Variants in PRDM16 observed in about 807,000 individuals in gnomAD.
PRDM16 encodes the protein PR/SET domain 16.
A neutral mutation model predicts 110.6 loss-of-function variants in PRDM16; 23 were observed. That is an observed-to-expected ratio of 0.21 (90% confidence interval 0.15 to 0.29). PRDM16 has a LOEUF of 0.29. Ranked by LOEUF, PRDM16 falls within the 10% of genes least tolerant of loss-of-function variation. The pLI, the probability that PRDM16 is intolerant of heterozygous loss-of-function variation, is 1.00. For synonymous variants in PRDM16, 799 were observed against 781.8 expected, an observed-to-expected ratio of 1.02 and a Z score of -0.37; for missense variants, 1,615 against 1,794.3, an observed-to-expected ratio of 0.90 and a Z score of 1.81.
chr1:3,213,102 G>A lies in PRDM16; in HGVS notation c.387+26628G>A, dbSNP rs368828957. ...CGGGAGGCCGAGCTCAGGAAGACGC[G>A]GCAAATCCCATCCTATGTGCTTGCA... is the stretch of plus-strand genomic sequence containing the variant. On this transcript the variant is annotated intron_variant, in intron 2 of 16. Transcript: ENST00000270722. The surrounding 1 kb of genome is among the most constrained non-coding windows in gnomAD (Gnocchi z 5.3). Among the ~76,000 whole-genome samples the A allele has an allele frequency of 1.2e-3, 184 of 152,220 alleles. 1 individual carries two copies. Among genetic ancestry groups the A allele is most frequent in the African/African-American group, 4.4e-3 (181 of 41,530 alleles).
intron 4 of PRDM16, among the ~76,000 whole-genome samples, chr1:3,395,838 G>A (rs78758558): frequency 0.024 from 3,727 of 152,302 alleles, 132 homozygotes; most frequent in African/African-American, 0.083. Context: ...TCGCCCCCAG[G>A]GCTTGACCAG....
chr1:3,223,791 C>A (rs984536819), intron 2 of PRDM16, among the ~76,000 whole-genome samples: 3 of 152,110 alleles, frequency 2.0e-5, no homozygotes, highest in Non-Finnish European at 4.4e-5. Context: ...GAACAGGCAG[C>A]GAGAACCGGG....
Position 3,353,252 on chromosome 1 carries a change from C to G in PRDM16, c.439-31900C>G, listed in dbSNP as rs538438215. ...TTGCCTGAGGTGCGGTAAAAGTTTA[C>G]GAGGGCTGGGCAGCTCCTAGGCATG... On this transcript the variant is annotated intron_variant, in intron 3 of 16. Transcript: ENST00000270722. The surrounding 1 kb of genome is among the most constrained non-coding windows in gnomAD (Gnocchi z 5.4). Among the ~76,000 whole-genome samples the G allele has an allele frequency of 1.1e-3, 170 of 152,310 alleles. No individual in the cohort carries two copies. The highest frequency in any genetic ancestry group is 2.1e-3 in the Non-Finnish European group (141 of 68,018).
At chr1:3,269,600 GACAGTCCCAGAGGAGC>G (rs143354923) in intron 3 of PRDM16, among the ~76,000 whole-genome samples, 32,582 of 139,492 alleles carry the variant, frequency 0.23, 6,291 homozygotes, top group African/African-American at 0.52. Flanking sequence ...TCGGGAGGAG[GACAGTCCCAGAGGAGC>G]ACAGTCCCAG....
chr1:3,136,046 C>T (rs1009107942), intron 1 of PRDM16, among the ~76,000 whole-genome samples: 1 of 151,380 alleles, frequency 6.6e-6, no homozygotes, highest in Non-Finnish European at 1.5e-5. Context: ...TGTCCGGGAG[C>T]CACAGGACAC....
At chr1:3,268,260 G>A (rs552535279) in intron 3 of PRDM16, among the ~76,000 whole-genome samples, 54 of 152,336 alleles carry the variant, frequency 3.5e-4, no homozygotes, top group African/African-American at 1.2e-3. Context: ...GCTAATCCAC[G>A]GGGGAAGGAG....
intron 3 of PRDM16, among the ~76,000 whole-genome samples, chr1:3,319,698 T>TC (rs1308714789): frequency 1.3e-5 from 2 of 151,996 alleles, no homozygotes; most frequent in Admixed American, 6.6e-5. Context: ...TCCACTAACT[T>TC]CCCCAGAAGG....
chr1:3,366,513 G>C (rs1467831623), intron 3 of PRDM16, among the ~76,000 whole-genome samples: 1 of 152,218 alleles, frequency 6.6e-6, no homozygotes, highest in African/African-American at 2.4e-5. Context: ...CTGCTCCGGG[G>C]GCCAGTGTGG....
chr1:3,168,949 C>T (rs1398808104), intron 1 of PRDM16, among the ~76,000 whole-genome samples: 2 of 152,206 alleles, frequency 1.3e-5, no homozygotes, highest in Admixed American at 6.5e-5. Context: ...CCCCTGTGGC[C>T]ACGCCCAGGG....
At position 3,143,558 on chromosome 1, in the gene PRDM16, GTC is replaced by G. The variant is rs1196918885; in HGVS notation, c.38-42563_38-42562del. On this transcript the variant is annotated intron_variant, in intron 1 of 16. Coordinates refer to ENST00000270722, the MANE Select transcript of PRDM16 (RefSeq NM_022114.4). This position sits in a 1 kb window ranked among gnomAD's most constrained non-coding sequence, Gnocchi z 4.5. ...ACTGGCGCAATCTCCGCTCACTGCA[GTC>G]TCTGCCTCCCGGGTTCAAGGATTCT... Among the ~76,000 whole-genome samples, 1 of 152,146 alleles carries G rather than the reference GTC, an allele frequency of 6.6e-6. No homozygotes were observed. The highest frequency in any genetic ancestry group is 1.9e-4 in the East Asian group (1 of 5,194).
At chr1:3,141,391 G>A (rs551062978) in intron 1 of PRDM16, among the ~76,000 whole-genome samples, 16 of 152,314 alleles carry the variant, frequency 1.1e-4, no homozygotes, top group South Asian at 1.0e-3. Context: ...CGGGGGAGCC[G>A]GCTTGAGCGC....
rs1640956891 is a variant in PRDM16 at position 3,290,874 on chromosome 1, G to A, written c.438+46737G>A. On this transcript the variant is annotated intron_variant, in intron 3 of 16. Transcript: ENST00000270722. The surrounding 1 kb of genome is among the most constrained non-coding windows in gnomAD (Gnocchi z 4.8). ...AGGGCCCGGAGCACTGGGGGCCCGA[G>A]GTATCTTTCAAAGAGTGATGGTTAC... 6.6e-6 allele frequency among the ~76,000 whole-genome samples: 1 copy of A among 151,920 alleles called. No homozygotes were observed. Among genetic ancestry groups the A allele is most frequent in the South Asian group, 2.1e-4 (1 of 4,818 alleles).
rs765421327 is a variant in PRDM16 at position 3,201,695 on chromosome 1, A to G, written c.387+15221A>G. ...CAGCCACTTCCAGCACCTGCAGGGCAGGACCTCCCCGCTTGGATGCTGGTG... is the reference window on the plus strand; with the variant it reads ...CAGCCACTTCCAGCACCTGCAGGGCGGGACCTCCCCGCTTGGATGCTGGTG... On this transcript the variant is annotated intron_variant, in intron 2 of 16. Transcript: ENST00000270722. This position sits in a 1 kb window ranked among gnomAD's most constrained non-coding sequence, Gnocchi z 4.1. 6.6e-6 allele frequency among the ~76,000 whole-genome samples: 1 copy of G among 152,232 alleles called. No homozygotes were observed. Among genetic ancestry groups the G allele is most frequent in the African/African-American group, 2.4e-5 (1 of 41,476 alleles).
rs1336272072 is a variant in PRDM16, at chr1:3,225,573, T to TGTGTGTGCGC, written c.388-18513_388-18512insTGTGTGCGCG. Among the ~76,000 whole-genome samples the TGTGTGTGCGC allele has an allele frequency of 3.1e-3, 397 of 129,848 alleles. 5 individuals carry two copies. The highest frequency in any genetic ancestry group is 9.9e-3 in the African/African-American group (371 of 37,484). The allele number at this position is 129,848 out of a possible 152,430, so 85.2% of individuals were successfully genotyped here. A position where few individuals can be genotyped will look rare whatever the true frequency, so the allele number is the denominator to read the frequency against. ...GTGTGTGTGTGTGTGTGTGTGTGTG[T>TGTGTGTGCGC]GCGCGCGCGCAGAAGGAAGGAAACG... On this transcript the variant is annotated intron_variant, in intron 2 of 16. Transcript: ENST00000270722.
At chr1:3,423,133 G>A (rs187363975) in intron 12 of PRDM16, among the ~76,000 whole-genome samples, 131 of 152,342 alleles carry the variant, frequency 8.6e-4, no homozygotes, top group Non-Finnish European at 3.2e-4. Flanking sequence ...TTGCTGGGAC[G>A]AAGTGGGATG....
intron 10 of PRDM16, among the ~76,000 whole-genome samples, chr1:3,416,330 C>G (rs987652181): frequency 1.3e-5 from 2 of 152,212 alleles, no homozygotes; most frequent in Admixed American, 1.3e-4. Flanking sequence ...CACTCGGACT[C>G]TGAGAGACCC....
intron 1 of PRDM16, among the ~76,000 whole-genome samples, chr1:3,131,679 G>T (rs1194146571): frequency 1.3e-5 from 2 of 152,258 alleles, no homozygotes; most frequent in Non-Finnish European, 2.9e-5. Flanking sequence ...CCTCTGGTCT[G>T]TCCGCTGCAT....
chr1:3,396,131 A>C (rs931286308), intron 4 of PRDM16, among the ~76,000 whole-genome samples: 1 of 151,834 alleles, frequency 6.6e-6, no homozygotes, highest in African/African-American at 2.4e-5. Flanking sequence ...TCTCACTTAC[A>C]TACACAAAAT....
intron 2 of PRDM16, among the ~76,000 whole-genome samples, chr1:3,227,739 CT>C (rs1339791848): frequency 1.3e-5 from 2 of 150,110 alleles, no homozygotes; most frequent in Admixed American, 6.6e-5. Flanking sequence ...CCTTTAGCTC[CT>C]CTTCAAATAT....
Sources: gnomAD v4.1 joint callset for allele counts (sites outside exome capture counted in the v4.1 genomes callset) on GRCh38, gnomAD v4.1.1 for gene constraint, Gnocchi (gnomAD v3.1) non-coding constraint, MANE v1.5 for transcripts, NCBI Gene and HGNC (gene_info 2026-07-23, HGNC 2026-07-21) for gene names.